The following PJA2 variants were observed in gnomAD, a reference collection of about 807,000 sequenced individuals.
PJA2 encodes the protein E3 ubiquitin-protein ligase Praja-2.
Under a neutral mutation model 69.3 loss-of-function variants are expected in PJA2, and 25 were observed. The ratio of observed to expected loss-of-function variants is 0.36; its 90% CI spans 0.26 to 0.50. The LOEUF (loss-of-function observed/expected upper bound fraction) is 0.50, where lower values mean the gene tolerates loss of function less well. Among genes scored for constraint, PJA2 ranks in the 20% least tolerant of loss-of-function variants. The pLI, the probability that PJA2 is intolerant of heterozygous loss-of-function variation, is 0.96. For missense variants in PJA2, 809 were observed against 830.2 expected (o/e 0.97, Z 0.31); for synonymous variants, 308 against 277.8 (o/e 1.11, Z -1.08).
Position 109,344,774 on chromosome 5 carries a change from C to T in PJA2, c.1810G>A (p.Ala604Thr). ...LESLAVDVEVANPPASKESID... is the reference protein window; with the variant it reads ...LESLAVDVEVTNPPASKESID... ...CTTTCCTTACTAGCTGGTGGATTGG[C>T]CACCTCAACATCCACTGCAAGAGAC... Residue 604 changes from alanine to threonine, a missense_variant, in exon 8 of 10, where the codon GCC becomes ACC. Ala to Thr is a moderately conservative substitution (Grantham distance 58). This residue lies in a region of PJA2 where 55 missense variants were observed against 90.7 expected (regional missense o/e 0.61). Transcript: ENST00000361189. 1 of 1,613,988 alleles carries T rather than the reference C, an allele frequency of 6.2e-7. No homozygotes were observed.
intron 1 of PJA2, among the ~76,000 whole-genome samples, chr5:109,397,039 C>G (rs1747431488): frequency 6.6e-6 from 1 of 152,140 alleles, no homozygotes; most frequent in South Asian, 2.1e-4. Context: ...TCATAGGGCT[C>G]TGCCCTCATG....
intron 1 of PJA2, among the ~76,000 whole-genome samples, chr5:109,385,445 T>C (rs1288850863): frequency 6.6e-6 from 1 of 151,962 alleles, no homozygotes; most frequent in Non-Finnish European, 1.5e-5. Context: ...ATGGGAAAAA[T>C]GGAGTAAATT....
At chr5:109,340,796 T>A (rs372207606) in intron 9 of PJA2, among the ~76,000 whole-genome samples, 31 of 104,598 alleles carry the variant, frequency 3.0e-4, no homozygotes, top group Admixed American at 1.5e-3. Flanking sequence ...GATTGCAGGC[T>A]CGCGCCGCCA....
chr5:109,398,560 C>T (rs956113771), intron 1 of PJA2, among the ~76,000 whole-genome samples: 1 of 144,732 alleles, frequency 6.9e-6, no homozygotes, highest in African/African-American at 2.6e-5. Flanking sequence ...CATGTTGTCA[C>T]TCATAGGTGG....
intron 7 of PJA2, among the ~76,000 whole-genome samples, chr5:109,351,510 T>C (rs1290723828): frequency 3.3e-5 from 5 of 152,106 alleles, no homozygotes; most frequent in Non-Finnish European, 7.4e-5. Context: ...AGAAGTATGA[T>C]AAAATAACTA....
At chr5:109,358,166 G>A (rs1360810070) in intron 6 of PJA2, among the ~76,000 whole-genome samples, 3 of 152,182 alleles carry the variant, frequency 2.0e-5, no homozygotes, top group African/African-American at 7.2e-5. Flanking sequence ...CATGCTAGAA[G>A]GTTGTGGGTT....
intron 7 of PJA2, among the ~76,000 whole-genome samples, chr5:109,353,958 T>C (rs994104767): frequency 1.5e-5 from 2 of 130,402 alleles, no homozygotes; most frequent in East Asian, 4.3e-4. Context: ...ATTAGATGTC[T>C]ATGATATCTA....
Position 109,384,853 on chromosome 5 carries a change from T to A in PJA2, c.-87-1333A>T, listed in dbSNP as rs192207006. The stretch of plus-strand genomic sequence containing the variant: ...TTTTTTTTGAGGGCGAGTCTTGCTC[T>A]GTCGCCCAGGCTGGAGTGCAGGGGC... On this transcript the variant is annotated intron_variant, in intron 1 of 9. Coordinates refer to ENST00000361189, the MANE Select transcript of PJA2 (RefSeq NM_014819.5). Among the ~76,000 whole-genome samples, 155 of 152,292 alleles carry A rather than the reference T, an allele frequency of 1.0e-3. 1 individual carries two copies. Among genetic ancestry groups the A allele is most frequent in the Admixed American group, 1.5e-3 (23 of 15,292 alleles).
chr5:109,358,063 AAAT>A (rs547639387), intron 6 of PJA2, among the ~76,000 whole-genome samples: 50 of 152,328 alleles, frequency 3.3e-4, no homozygotes, highest in African/African-American at 1.2e-3. Context: ...GGCCCTCCCA[AAAT>A]CTGGCCATAA....
chr5:109,406,272 C>T (rs751850859), intron 1 of PJA2, among the ~76,000 whole-genome samples: 42 of 152,142 alleles, frequency 2.8e-4, no homozygotes, highest in Non-Finnish European at 5.3e-4. Context: ...GATCTCCTGA[C>T]CTCGTGATCC....
chr5:109,378,219 T>C lies in PJA2; in HGVS notation c.1268A>G (p.Asp423Gly), dbSNP rs1241317357. ...NGCGDYYQLY[D>G]KDEDSSECSD... ...GTGACCTTACCTATCTTCATCTTTG[T>C]CATAGAGTTGGTAATAATCTCCACA... Residue 423 changes from aspartate to glycine, a missense_variant, in exon 4 of 10, where the codon GAC becomes GGC. Physicochemically the swap from Asp to Gly is moderately conservative, Grantham distance 94 (BLOSUM62 -1). Coordinates refer to ENST00000361189, the MANE Select transcript of PJA2 (RefSeq NM_014819.5). The C allele has an allele frequency of 6.2e-7, 1 of 1,611,702 alleles. No individual in the cohort carries two copies. Among genetic ancestry groups the C allele is most frequent in the South Asian group, 1.1e-5 (1 of 90,782 alleles).
At chr5:109,362,792 A>G in intron 6 of PJA2, 48 bp downstream of exon 6, 1 of 1,471,634 alleles carries the variant, frequency 6.8e-7, no homozygotes, top group South Asian at 1.4e-5. Flanking sequence ...AATTAGAATC[A>G]TGAACTCAGA....
At chr5:109,395,793 G>A (rs1029115101) in intron 1 of PJA2, among the ~76,000 whole-genome samples, 1 of 152,242 alleles carries the variant, frequency 6.6e-6, no homozygotes, top group African/African-American at 2.4e-5. Flanking sequence ...GAGGTCAGGA[G>A]TTCAAGACCA....
intron 1 of PJA2, among the ~76,000 whole-genome samples, chr5:109,385,730 A>C (rs1345860130): frequency 6.6e-6 from 1 of 152,218 alleles, no homozygotes; most frequent in Admixed American, 6.5e-5. Context: ...TGAAGAGGCC[A>C]GGGAAAAAGA....
intron 1 of PJA2, among the ~76,000 whole-genome samples, chr5:109,406,241 C>T (rs1747690409): frequency 1.3e-5 from 2 of 152,070 alleles, no homozygotes; most frequent in African/African-American, 4.8e-5. Context: ...GGGGCTTCAC[C>T]GTGTTAGCCA....
chr5:109,361,817 C>T (rs947570071), intron 6 of PJA2, among the ~76,000 whole-genome samples: 3 of 152,252 alleles, frequency 2.0e-5, no homozygotes, highest in African/African-American at 7.2e-5. Flanking sequence ...GTTCTCCACA[C>T]ATTTTTTTCC....
intron 9 of PJA2, among the ~76,000 whole-genome samples, chr5:109,343,304 AG>A (rs1762113920): frequency 2.7e-4 from 35 of 129,198 alleles, no homozygotes; most frequent in Admixed American, 3.2e-4. Context: ...AAAGAAAGAA[AG>A]AAAGAAAAAA....
chr5:109,402,907 G>C (rs1747584744), intron 1 of PJA2, among the ~76,000 whole-genome samples: 1 of 152,018 alleles, frequency 6.6e-6, no homozygotes, highest in African/African-American at 2.4e-5. Context: ...TCAAATTTGT[G>C]TAAGCACCTC....
chr5:109,336,811 T>G lies in PJA2; in HGVS notation c.*420A>C, dbSNP rs1003533315. 1 of 152,674 alleles carries G rather than the reference T, an allele frequency of 6.5e-6. No homozygotes were observed. Among genetic ancestry groups the G allele is most frequent in the African/African-American group, 2.4e-5 (1 of 41,464 alleles). 9.5% of individuals were successfully genotyped at this position (152,674 alleles called of 1,614,324 possible). ...GTGAAAAAGCATACTTTAGAATTTGTTTCATTTCCAATGAAACCAAATTTT... is the reference window on the plus strand; with the variant it reads ...GTGAAAAAGCATACTTTAGAATTTGGTTCATTTCCAATGAAACCAAATTTT... On this transcript the variant is annotated 3_prime_UTR_variant, in exon 10 of 10. Transcript: ENST00000361189.
Sources: gnomAD v4.1 joint callset for allele counts (sites outside exome capture counted in the v4.1 genomes callset) on GRCh38, gnomAD v4.1.1 for gene constraint, gnomAD v4.1.1 regional missense constraint, MANE v1.5 for transcripts, NCBI Gene and HGNC (gene_info 2026-07-23, HGNC 2026-07-21) for gene names.